Variants in MS4A4E observed in about 807,000 individuals in gnomAD.
The protein encoded by MS4A4E is membrane spanning 4-domains A4E.
In MS4A4E, 23 loss-of-function variants were observed where a neutral mutation model predicts 13.3. The ratio of observed to expected loss-of-function variants is 1.73; its 90% CI spans 1.25 to 2.45. MS4A4E has a LOEUF of 2.45. Among genes scored for constraint, MS4A4E ranks in the 30% most tolerant of loss-of-function variants. The pLI is 0.00. For missense variants in MS4A4E, 144 were observed against 131.2 expected (o/e 1.10, Z -0.48); for synonymous variants, 36 against 45.6 (o/e 0.79, Z 0.85).
intron 1 of MS4A4E, 116 bp from the exon 2 acceptor site, chr11:60,230,187 T>C (rs187569014): frequency 1.7e-6 from 2 of 1,163,986 alleles, no homozygotes; most frequent in South Asian, 1.9e-5. Context: ...CCCTCCAATA[T>C]TATAACAGTT....
At chr11:60,222,985 C>T (rs11230199) in intron 3 of MS4A4E, among the ~76,000 whole-genome samples, 2 of 152,090 alleles carry the variant, frequency 1.3e-5, no homozygotes, top group Non-Finnish European at 2.9e-5. Flanking sequence ...ACAACCCAAT[C>T]TGGGCAGGAC....
chr11:60,242,966 A>G lies in MS4A4E; in HGVS notation c.-25T>C. ...CAAGTCCCTGGACCTACCTTTCTTC[A>G]GGCCTGCAATGTCTGCTGCAGGTCT... On this transcript the variant is annotated 5_prime_UTR_variant, in exon 1 of 9. Transcript: ENST00000651255. 6.3e-7 allele frequency: 1 copy of G among 1,577,840 alleles called. No individual in the cohort carries two copies. Among genetic ancestry groups the G allele is most frequent in the Middle Eastern group, 2.1e-4 (1 of 4,714 alleles).
rs535567197 is a variant in MS4A4E at position 60,218,076 on chromosome 11, G to A, written c.179-3462C>T. On this transcript the variant is annotated intron_variant, in intron 3 of 8. Transcript: ENST00000651255. Reference sequence around the variant, plus strand: ...CTGGGAAAGAGAATACGCGCCTGGGGGTATAGGCCTATAAATGGCCCCCCA... The same window carrying A: ...CTGGGAAAGAGAATACGCGCCTGGGAGTATAGGCCTATAAATGGCCCCCCA... 2.3e-3 allele frequency among the ~76,000 whole-genome samples: 357 copies of A among 152,274 alleles called. 2 individuals are homozygous for A. Among genetic ancestry groups the A allele is most frequent in the Middle Eastern group, 0.017 (5 of 294 alleles).
chr11:60,228,662 A>G, intron 2 of MS4A4E, 35 bp from the exon 3 acceptor site: 1 of 693,920 alleles, frequency 1.4e-6, no homozygotes, highest in Non-Finnish European at 2.6e-6. Context: ...GTTACTCCTA[A>G]TTGCCAAAGT....
At chr11:60,241,425 G>A (rs749343095) in intron 1 of MS4A4E, among the ~76,000 whole-genome samples, 3 of 152,188 alleles carry the variant, frequency 2.0e-5, no homozygotes, top group Non-Finnish European at 4.4e-5. Flanking sequence ...ACACTTGGTA[G>A]TTCTCCCTCT....
chr11:60,226,494 A>G (rs958252419), intron 3 of MS4A4E, among the ~76,000 whole-genome samples: 2 of 152,196 alleles, frequency 1.3e-5, no homozygotes, highest in Admixed American at 1.3e-4. Context: ...TCAAAAATCA[A>G]TGAATGTAAC....
At chr11:60,210,703 T>C (rs1357942747) in intron 5 of MS4A4E, among the ~76,000 whole-genome samples, 3 of 152,044 alleles carry the variant, frequency 2.0e-5, no homozygotes, top group Non-Finnish European at 2.9e-5. Flanking sequence ...TCTACCAGGG[T>C]GCCAACCCTG....
At chr11:60,213,300 AT>A in intron 4 of MS4A4E, 168 bp from the exon 5 acceptor site, 1 of 1,535,342 alleles carries the variant, frequency 6.5e-7, no homozygotes, top group Non-Finnish European at 8.7e-7. Flanking sequence ...ATATGATCCC[AT>A]TATTCTCCAG....
At chr11:60,224,919 CCT>C in intron 3 of MS4A4E, 1 of 1,398,532 alleles carries the variant, frequency 7.2e-7, no homozygotes, top group South Asian at 1.6e-5. Flanking sequence ...GGTATTTACA[CCT>C]CTATTATGTT....
intron 1 of MS4A4E, among the ~76,000 whole-genome samples, chr11:60,241,511 G>T (rs1393554048): frequency 6.6e-6 from 1 of 152,144 alleles, no homozygotes; most frequent in African/African-American, 2.4e-5. Context: ...GCTTATAATT[G>T]ACTCTTATGA....
intron 5 of MS4A4E, among the ~76,000 whole-genome samples, chr11:60,209,933 G>A (rs995017807): frequency 2.0e-5 from 3 of 152,116 alleles, no homozygotes; most frequent in East Asian, 1.9e-4. Flanking sequence ...CAGCTGTAGC[G>A]GCCTCTGTGT....
intron 3 of MS4A4E, among the ~76,000 whole-genome samples, chr11:60,217,958 C>T (rs767198262): frequency 3.9e-5 from 6 of 152,150 alleles, no homozygotes; most frequent in African/African-American, 9.7e-5. Flanking sequence ...TTCTGACCAC[C>T]GGTGAGCCGG....
At chr11:60,217,567 C>T (rs1011630828) in intron 3 of MS4A4E, among the ~76,000 whole-genome samples, 3 of 152,148 alleles carry the variant, frequency 2.0e-5, no homozygotes, top group Non-Finnish European at 4.4e-5. Flanking sequence ...TCAGGGACCC[C>T]AAACGGAGGG....
intron 7 of MS4A4E, among the ~76,000 whole-genome samples, 92 bp from the exon 8 acceptor site, chr11:60,205,050 G>A (rs1042058713): frequency 2.0e-5 from 3 of 152,276 alleles, no homozygotes; most frequent in African/African-American, 4.8e-5. Flanking sequence ...CAATAGATAC[G>A]TGAGTGTAGG....
chr11:60,206,490 TATATATATAC>T, intron 6 of MS4A4E, among the ~76,000 whole-genome samples: 5 of 26,198 alleles, frequency 1.9e-4, no homozygotes, highest in African/African-American at 9.2e-4. Flanking sequence ...TATATATATG[TATATATATAC>T]GTATATATAT....
chr11:60,225,558 G>A (rs573232958), intron 3 of MS4A4E, among the ~76,000 whole-genome samples: 30 of 152,246 alleles, frequency 2.0e-4, no homozygotes, highest in South Asian at 6.2e-4. Flanking sequence ...AGTAAACAGC[G>A]TTCTTAAAAT....
intron 1 of MS4A4E, among the ~76,000 whole-genome samples, chr11:60,237,394 T>C (rs967849426): frequency 6.6e-6 from 1 of 152,222 alleles, no homozygotes; most frequent in African/African-American, 2.4e-5. Context: ...CTGTGAATAG[T>C]GCAGCAATGA....
At chr11:60,218,355 C>G (rs906201738) in intron 3 of MS4A4E, among the ~76,000 whole-genome samples, 1 of 152,164 alleles carries the variant, frequency 6.6e-6, no homozygotes, top group African/African-American at 2.4e-5. Flanking sequence ...TTGTGATATT[C>G]TATTACCTTG....
At chr11:60,230,242 T>C (rs2084391602) in intron 1 of MS4A4E, among the ~76,000 whole-genome samples, 171 bp from the exon 2 acceptor site, 1 of 151,154 alleles carries the variant, frequency 6.6e-6, no homozygotes, top group South Asian at 2.1e-4. Flanking sequence ...AAGTGGGGGG[T>C]GGAGAGAGAG....
Sources: gnomAD v4.1 joint callset for allele counts (sites outside exome capture counted in the v4.1 genomes callset) on GRCh38, gnomAD v4.1.1 for gene constraint, MANE v1.5 for transcripts, NCBI Gene and HGNC (gene_info 2026-07-23, HGNC 2026-07-21) for gene names.